The following NRDC variants were observed in gnomAD, a reference collection of about 807,000 sequenced individuals.
The protein encoded by NRDC is nardilysin.
Under a neutral mutation model 147.1 loss-of-function variants are expected in NRDC, and 54 were observed. The observed-to-expected ratio is 0.37, with a 90% CI of 0.29 to 0.46. NRDC has a LOEUF of 0.46. Among genes scored for constraint, NRDC ranks in the 20% least tolerant of loss-of-function variants. The pLI is 1.00. For missense variants in NRDC, 1,082 were observed against 1,370.6 expected (o/e 0.79, Z 3.33); for synonymous variants, 440 against 482.1 (o/e 0.91, Z 1.14).
chr1:51,835,444 T>C lies in NRDC; in HGVS notation c.712+687A>G, dbSNP rs114720002. Among the ~76,000 whole-genome samples the C allele has an allele frequency of 9.0e-3, 1,357 of 151,562 alleles. 34 individuals carry two copies. The South Asian group carries it at 0.095, about 11-fold the overall frequency. On this transcript the variant is annotated intron_variant, in intron 3 of 30. Coordinates refer to ENST00000352171, the MANE Select transcript of NRDC (RefSeq NM_001101662.2). ...TTTTATATTAATCATGCCTTTTGAA[T>C]TTCTAGGTTTTTTTTGTTTCTTGTT...
At chr1:51,831,602 A>G (rs1383389934) in intron 4 of NRDC, among the ~76,000 whole-genome samples, 3 of 150,228 alleles carry the variant, frequency 2.0e-5, no homozygotes, top group Non-Finnish European at 3.0e-5. Context: ...TTTTTGAGAC[A>G]GGGTCTCGGT....
At chr1:51,878,035 T>C (rs1028268754) in intron 1 of NRDC, 11 of 1,386,306 alleles carry the variant, frequency 7.9e-6, no homozygotes, top group Non-Finnish European at 1.0e-5. Flanking sequence ...AGCGACTGTA[T>C]TCAAATGACT....
chr1:51,812,429 G>A (rs1263774614), intron 14 of NRDC, among the ~76,000 whole-genome samples: 1 of 152,148 alleles, frequency 6.6e-6, no homozygotes, highest in Admixed American at 6.5e-5. Flanking sequence ...TTGGGGAGCT[G>A]AGGTGGGAGG....
intron 1 of NRDC, among the ~76,000 whole-genome samples, chr1:51,858,721 C>T (rs1682383778): frequency 6.6e-6 from 1 of 152,070 alleles, no homozygotes; most frequent in Non-Finnish European, 1.5e-5. Context: ...CTCCATCTAC[C>T]CTGAACTCAG....
chr1:51,814,491 C>CCTT, intron 13 of NRDC, 60 bp downstream of exon 13: 1 of 1,524,942 alleles, frequency 6.6e-7, no homozygotes, highest in Non-Finnish European at 9.0e-7. Flanking sequence ...CTACCGGCAG[C>CCTT]CTGAAGCCTC....
At chr1:51,823,630 CA>C (rs1168272532) in intron 7 of NRDC, 33 bp downstream of exon 7, 1 of 1,564,456 alleles carries the variant, frequency 6.4e-7, no homozygotes, top group East Asian at 2.3e-5. Flanking sequence ...AGCGCTACTT[CA>C]AGGTAACTCT....
intron 11 of NRDC, among the ~76,000 whole-genome samples, chr1:51,815,545 A>G (rs951207263): frequency 6.6e-6 from 1 of 152,222 alleles, no homozygotes; most frequent in African/African-American, 2.4e-5. Context: ...TCAGTAAGGT[A>G]GAAAGGTTGT....
intron 3 of NRDC, among the ~76,000 whole-genome samples, chr1:51,835,497 T>G (rs2149219053): frequency 6.8e-6 from 1 of 147,666 alleles, no homozygotes; most frequent in East Asian, 2.0e-4. Context: ...GAGACAGTCT[T>G]GCTCTATCAC....
chr1:51,847,019 T>C (rs1319734551), intron 1 of NRDC, among the ~76,000 whole-genome samples: 1 of 144,586 alleles, frequency 6.9e-6, no homozygotes, highest in African/African-American at 2.4e-5. Context: ...AACCTTGAGA[T>C]AGACACAGAG....
rs369819001 is a variant in NRDC at position 51,809,288 on chromosome 1, A to T, written c.1990+27T>A. The T allele has an allele frequency of 5.5e-6, 8 of 1,459,032 alleles. No individual in the cohort carries two copies. In the East Asian group the frequency reaches 1.8e-4, roughly 33 times the overall value. The allele number at this position is 1,459,032 out of a possible 1,614,324, so 90.4% of individuals were successfully genotyped here. ...GTGCCTATTAGCACATGGATGGATT[A>T]TGTATAAAAATTGCTATTTTACTGA... On this transcript the variant is annotated intron_variant, in intron 17 of 30. Transcript: ENST00000352171.
chr1:51,877,391 TG>T (rs568626496), intron 1 of NRDC, among the ~76,000 whole-genome samples: 60 of 152,240 alleles, frequency 3.9e-4, no homozygotes, highest in Non-Finnish European at 7.5e-4. Flanking sequence ...CCTGGCACAG[TG>T]GCTCACGCCT....
At chr1:51,853,613 C>T (rs1472197429) in intron 1 of NRDC, among the ~76,000 whole-genome samples, 1 of 152,148 alleles carries the variant, frequency 6.6e-6, no homozygotes, top group Non-Finnish European at 1.5e-5. Context: ...GGAATTCTTG[C>T]TAAGGAAACT....
At chr1:51,828,301 A>T (rs191635105) in intron 4 of NRDC, among the ~76,000 whole-genome samples, 4 of 152,312 alleles carry the variant, frequency 2.6e-5, no homozygotes, top group Admixed American at 2.6e-4. Flanking sequence ...TTCCATTTTC[A>T]ACCCTTAGGA....
chr1:51,845,906 GTACTTAATATC>G (rs1311117063), intron 1 of NRDC, among the ~76,000 whole-genome samples: 1 of 151,822 alleles, frequency 6.6e-6, no homozygotes, highest in Admixed American at 6.6e-5. Flanking sequence ...TACATAGTAG[GTACTTAATATC>G]TACTTAATGA....
At chr1:51,863,274 C>T (rs770107457) in intron 1 of NRDC, among the ~76,000 whole-genome samples, 6 of 151,802 alleles carry the variant, frequency 4.0e-5, no homozygotes, top group Admixed American at 1.3e-4. Context: ...TGGTGGCGTA[C>T]GTCTGTAGTC....
chr1:51,798,327 C>A lies in NRDC; in HGVS notation c.2526G>T (p.Glu842Asp). The change falls in exon 22 of 31, where the codon GAG (glutamate) becomes GAT (aspartate). Residue 842 changes from glutamate to aspartate, a missense_variant. Physicochemically the swap from Glu to Asp is conservative, Grantham distance 45. Around this residue, in one of 3 missense-constraint regions of NRDC, gnomAD observed 635 missense variants for 923.8 expected, o/e 0.69. Transcript: ENST00000352171. ...YQALMDGLSL[E>D]SLLSFVKEFK... ...ATTCTTTGACGAAGCTCAGCAGAGA[C>A]TCAAGGGAAAGGCCGTCCATCAAAG... 2 of 1,614,100 alleles carry A rather than the reference C, an allele frequency of 1.2e-6. No homozygotes were observed. The highest frequency in any genetic ancestry group is 1.1e-5 in the South Asian group (1 of 91,080).
chr1:51,794,722 G>A (rs1319559960), intron 23 of NRDC, 101 bp downstream of exon 23: 43 of 1,583,154 alleles, frequency 2.7e-5, no homozygotes, highest in Non-Finnish European at 3.7e-5. Context: ...ACTACAAGTA[G>A]TATTTCAATT....
chr1:51,805,484 T>C, intron 19 of NRDC, 26 bp downstream of exon 19: 2 of 1,531,964 alleles, frequency 1.3e-6, no homozygotes, highest in Admixed American at 2.2e-5. Flanking sequence ...AAAATGTATT[T>C]TCCAGAAAAA....
At chr1:51,852,817 C>T (rs534582605) in intron 1 of NRDC, among the ~76,000 whole-genome samples, 4 of 152,006 alleles carry the variant, frequency 2.6e-5, no homozygotes, top group Non-Finnish European at 2.9e-5. Context: ...ATTTCTGAGA[C>T]GTTGACAAAG....
Sources: allele counts gnomAD v4.1 joint callset (sites outside exome capture counted in the v4.1 genomes callset), GRCh38; gene constraint gnomAD v4.1.1; regional missense constraint gnomAD v4.1.1; transcripts MANE v1.5; gene names NCBI Gene and HGNC (gene_info 2026-07-23, HGNC 2026-07-21).